Variants in CECR2 observed in about 807,000 individuals in gnomAD.
The protein encoded by CECR2 is CECR2 histone acetyl-lysine reader, also known as chromatin remodeling regulator CECR2.
In CECR2, 30 loss-of-function variants were observed where a neutral mutation model predicts 154.5. The ratio of observed to expected loss-of-function variants is 0.19; its 90% CI spans 0.15 to 0.26. The LOEUF (loss-of-function observed/expected upper bound fraction) is 0.26, where lower values mean the gene tolerates loss of function less well. Ranked by LOEUF, CECR2 falls within the 10% of genes least tolerant of loss-of-function variation. The probability of loss-of-function intolerance (pLI) is 1.00; values close to 1 mark genes in which losing one functional copy is unlikely to be tolerated. For synonymous variants in CECR2, 725 were observed against 683.7 expected, an observed-to-expected ratio of 1.06 and a Z score of -0.94; for missense variants, 1,743 against 1,829.3, an observed-to-expected ratio of 0.95 and a Z score of 0.86.
In CECR2 at chr22:17,540,677, G is replaced by A; in HGVS notation, c.1761G>A (p.Gly587=). 6.2e-7 allele frequency: 1 copy of A among 1,613,976 alleles called. No individual in the cohort carries two copies. Among genetic ancestry groups the A allele is most frequent in the Non-Finnish European group, 8.5e-7 (1 of 1,179,876 alleles). The change falls in exon 14 of 19, where the codon GGG becomes GGA. Residue 587 remains glycine, a synonymous_variant. Coordinates refer to ENST00000262608, the MANE Select transcript of CECR2 (RefSeq NM_001290047.2). ...CCACACGCCGAGCGCCCTCTTCTGG[G>A]GACGATCAGAGCAGCAGCTCCACAC... ...LPPTRRAPSS[G]DDQSSSSTQP...
chr22:17,437,304 C>G (rs901757049), intron 1 of CECR2, among the ~76,000 whole-genome samples: 2 of 152,062 alleles, frequency 1.3e-5, no homozygotes, highest in Non-Finnish European at 2.9e-5. Context: ...TTGTTTCACG[C>G]GTTGTCGGGA....
intron 5 of CECR2, among the ~76,000 whole-genome samples, chr22:17,502,166 T>G (rs1440393855): frequency 3.3e-5 from 5 of 152,206 alleles, no homozygotes; most frequent in Non-Finnish European, 7.3e-5. Flanking sequence ...ATCTCCAACG[T>G]CCCTGTGAGG....
At chr22:17,502,092 C>G (rs145605817) in intron 5 of CECR2, among the ~76,000 whole-genome samples, 2 of 152,238 alleles carry the variant, frequency 1.3e-5, no homozygotes, top group African/African-American at 4.8e-5. Context: ...CTTTCTGTTT[C>G]AGGGATACAA....
At chr22:17,502,111 G>A (rs896824120) in intron 5 of CECR2, among the ~76,000 whole-genome samples, 1 of 152,138 alleles carries the variant, frequency 6.6e-6, no homozygotes, top group Admixed American at 6.5e-5. Flanking sequence ...AAGTGAAAAT[G>A]ATACTTCATC....
chr22:17,421,541 G>A (rs1439852636), intron 1 of CECR2, among the ~76,000 whole-genome samples: 38 of 149,478 alleles, frequency 2.5e-4, no homozygotes, highest in East Asian at 2.0e-4. Context: ...CGTGAACCCG[G>A]GAGGCGGAGC....
At chr22:17,490,842 A>G (rs573171470) in intron 2 of CECR2, among the ~76,000 whole-genome samples, 7 of 152,080 alleles carry the variant, frequency 4.6e-5, no homozygotes, top group South Asian at 2.1e-4. Context: ...GAATACTTCT[A>G]TTACCCTACA....
At chr22:17,432,469 T>C (rs1212703065) in intron 1 of CECR2, among the ~76,000 whole-genome samples, 5 of 152,180 alleles carry the variant, frequency 3.3e-5, no homozygotes, top group Non-Finnish European at 7.3e-5. Context: ...TCCTAGGTTT[T>C]TATTTCTCTT....
intron 1 of CECR2, among the ~76,000 whole-genome samples, chr22:17,467,860 T>C (rs1166962408): frequency 6.6e-6 from 1 of 152,200 alleles, no homozygotes; most frequent in Non-Finnish European, 1.5e-5. Flanking sequence ...TCTTCTACAC[T>C]ACCCCATGGG....
rs1379225692 is a variant in CECR2 at position 17,500,653 on chromosome 22, G to A, written c.568G>A (p.Val190Ile). The change falls in exon 5 of 19, where the codon GTC (valine) becomes ATC (isoleucine). Residue 190 changes from valine to isoleucine, a missense_variant. This residue lies in a region of CECR2 where 292 missense variants were observed against 301.2 expected (regional missense o/e 0.97). Coordinates refer to ENST00000262608, the MANE Select transcript of CECR2 (RefSeq NM_001290047.2). ...TAGGGAAAGTGAAGGACAAAAAAAT[G>A]TCTCAAGTATTCCTGGAAAAACGGG... ...LSRESEGQKNVSSIPGKTGKR... is the reference protein window; with the variant it reads ...LSRESEGQKNISSIPGKTGKR... 3.9e-6 allele frequency: 6 copies of A among 1,554,142 alleles called. No individual in the cohort carries two copies. Among genetic ancestry groups the A allele is most frequent in the Non-Finnish European group, 4.4e-6 (5 of 1,149,122 alleles).
At chr22:17,421,153 C>T (rs1267021185) in intron 1 of CECR2, among the ~76,000 whole-genome samples, 4 of 151,964 alleles carry the variant, frequency 2.6e-5, no homozygotes, top group African/African-American at 4.8e-5. Flanking sequence ...TTATGTGGAT[C>T]GGAGTTTTTG....
At position 17,542,756 on chromosome 22, in the gene CECR2, G is replaced by C. The variant is rs199829033; in HGVS notation, c.2613G>C (p.Arg871=). 2 of 1,613,868 alleles carry C rather than the reference G, an allele frequency of 1.2e-6. No individual in the cohort carries two copies. Among genetic ancestry groups the C allele is most frequent in the Non-Finnish European group, 1.7e-6 (2 of 1,179,896 alleles). Residue 871 remains arginine, a synonymous_variant, in exon 16 of 19, where the codon CGG becomes CGC. Coordinates refer to ENST00000262608, the MANE Select transcript of CECR2 (RefSeq NM_001290047.2). The part of the protein sequence containing the change: ...SLFGAPAQAL[R]GVQGGDSMMD... ...TTGGAGCACCTGCCCAGGCTCTTCGGGGGGTGCAGGGAGGGGACTCCATGA... is the reference window on the plus strand; with the variant it reads ...TTGGAGCACCTGCCCAGGCTCTTCGCGGGGTGCAGGGAGGGGACTCCATGA...
At chr22:17,452,914 T>C (rs1464197975) in intron 1 of CECR2, among the ~76,000 whole-genome samples, 2 of 152,150 alleles carry the variant, frequency 1.3e-5, no homozygotes, top group Admixed American at 6.5e-5. Context: ...TTTTTTAATG[T>C]CCGTGTTCCT....
At chr22:17,454,058 C>CT (rs571159239) in intron 1 of CECR2, among the ~76,000 whole-genome samples, 36 of 152,264 alleles carry the variant, frequency 2.4e-4, no homozygotes, top group African/African-American at 8.2e-4. Context: ...GCACCTCTGT[C>CT]TTTTTTTACC....
At chr22:17,414,564 G>A (rs995506404) in intron 1 of CECR2, among the ~76,000 whole-genome samples, 4 of 146,554 alleles carry the variant, frequency 2.7e-5, no homozygotes, top group Admixed American at 1.4e-4. Flanking sequence ...TGTGCACAAC[G>A]TGCAGGTTTG....
At chr22:17,394,191 C>T in intron 1 of CECR2, among the ~76,000 whole-genome samples, 2 of 127,352 alleles carry the variant, frequency 1.6e-5, no homozygotes, top group African/African-American at 2.9e-5. Flanking sequence ...CCAGCTGCTG[C>T]CGCTGCTTTT....
intron 1 of CECR2, among the ~76,000 whole-genome samples, chr22:17,435,990 G>A (rs1451782869): frequency 2.6e-5 from 4 of 151,578 alleles, no homozygotes; most frequent in East Asian, 1.9e-4. Flanking sequence ...TGTCTGTCTC[G>A]CTCTGTCACC....
intron 1 of CECR2, among the ~76,000 whole-genome samples, chr22:17,465,259 G>A (rs2055011568): frequency 1.3e-5 from 2 of 152,022 alleles, no homozygotes; most frequent in Non-Finnish European, 2.9e-5. Context: ...GCCTCCCAAA[G>A]TGCCGGGATT....
At position 17,504,603 on chromosome 22, in the gene CECR2, AT is replaced by A. The variant is rs35041905; in HGVS notation, c.701-233del. On this transcript the variant is annotated intron_variant, in intron 6 of 18. Coordinates refer to ENST00000262608, the MANE Select transcript of CECR2 (RefSeq NM_001290047.2). ...AGGCGCCCGCCACCGCGCCCGGCTAATTTTTTTTTTTCTATTTTTAGTAGAG... is the reference window on the plus strand; with the variant it reads ...AGGCGCCCGCCACCGCGCCCGGCTAATTTTTTTTTTCTATTTTTAGTAGAG... Among the ~76,000 whole-genome samples the A allele has an allele frequency of 2.0e-3, 294 of 145,806 alleles. 1 individual carries two copies. The highest frequency in any genetic ancestry group is 7.1e-3 in the Middle Eastern group (2 of 282).
intron 1 of CECR2, among the ~76,000 whole-genome samples, chr22:17,427,544 T>C (rs2054350562): frequency 6.6e-6 from 1 of 152,088 alleles, no homozygotes; most frequent in Non-Finnish European, 1.5e-5. Flanking sequence ...GTTTGTGGTC[T>C]CGCTGACTTT....
Sources: gnomAD v4.1 joint callset for allele counts (sites outside exome capture counted in the v4.1 genomes callset) on GRCh38, gnomAD v4.1.1 for gene constraint, gnomAD v4.1.1 regional missense constraint, MANE v1.5 for transcripts, NCBI Gene and HGNC (gene_info 2026-07-23, HGNC 2026-07-21) for gene names.